Variants in GRM7 observed in about 807,000 individuals in gnomAD.
GRM7 encodes glutamate metabotropic receptor 7, also known as metabotropic glutamate receptor 7.
In GRM7, 35 loss-of-function variants were observed where a neutral mutation model predicts 84.5. The observed-to-expected ratio is 0.41, with a 90% CI of 0.32 to 0.55. The LOEUF (loss-of-function observed/expected upper bound fraction) is 0.55. Ranked by LOEUF, GRM7 falls within the 20% of genes least tolerant of loss-of-function variation. GRM7 has a pLI of 0.19. For missense variants in GRM7, 1,003 were observed against 1,194.6 expected, an observed-to-expected ratio of 0.84 and a Z score of 2.36; for synonymous variants, 487 against 455.1, an observed-to-expected ratio of 1.07 and a Z score of -0.89.
intron 8 of GRM7, among the ~76,000 whole-genome samples, chr3:7,611,669 C>T (rs1164689544): frequency 6.6e-6 from 1 of 151,972 alleles, no homozygotes; most frequent in Non-Finnish European, 1.5e-5. Context: ...AAAAGTTGCC[C>T]GATGGATTGA....
intron 2 of GRM7, among the ~76,000 whole-genome samples, chr3:7,295,762 T>C (rs1261557053): frequency 6.6e-6 from 1 of 151,958 alleles, no homozygotes; most frequent in Non-Finnish European, 1.5e-5. Flanking sequence ...TATTGTTTAT[T>C]GAGTTCATAT....
intron 7 of GRM7, among the ~76,000 whole-genome samples, chr3:7,505,038 G>A (rs1039359164): frequency 1.3e-5 from 2 of 152,094 alleles, no homozygotes; most frequent in Admixed American, 1.3e-4. Context: ...ATACAATGGT[G>A]GGACAGACAC....
intron 8 of GRM7, among the ~76,000 whole-genome samples, chr3:7,582,655 A>T (rs897456465): frequency 9.4e-5 from 11 of 117,386 alleles, no homozygotes; most frequent in Non-Finnish European, 2.2e-4. Context: ...ATATTATAAC[A>T]GAACAAGGTT....
chr3:7,279,792 T>A (rs1181906008), intron 2 of GRM7, among the ~76,000 whole-genome samples: 1 of 152,190 alleles, frequency 6.6e-6, no homozygotes, highest in Non-Finnish European at 1.5e-5. Context: ...GCATGGTCTG[T>A]GTTTATGTCT....
At chr3:7,092,463 A>G (rs1243948639) in intron 1 of GRM7, among the ~76,000 whole-genome samples, 1 of 152,180 alleles carries the variant, frequency 6.6e-6, no homozygotes, top group Non-Finnish European at 1.5e-5. Context: ...CTTTTCTACA[A>G]AATGGTTTAT....
chr3:7,070,661 C>G (rs1454787170), intron 1 of GRM7, among the ~76,000 whole-genome samples: 1 of 151,998 alleles, frequency 6.6e-6, no homozygotes, highest in Non-Finnish European at 1.5e-5. Context: ...TGTCCCTTCC[C>G]TTTTCCCACA....
intron 2 of GRM7, among the ~76,000 whole-genome samples, chr3:7,148,450 C>G (rs1191333690): frequency 1.3e-5 from 2 of 152,178 alleles, no homozygotes; most frequent in African/African-American, 4.8e-5. Context: ...AAAGGAAGAA[C>G]ACTGCCCATT....
intron 1 of GRM7, among the ~76,000 whole-genome samples, chr3:7,064,467 T>TAC (rs1553612635): frequency 9.5e-6 from 1 of 105,400 alleles, no homozygotes; most frequent in Non-Finnish European, 1.8e-5. Context: ...TATATACATA[T>TAC]ATATATATAT....
chr3:7,632,283 T>C (rs1302187111), intron 8 of GRM7, among the ~76,000 whole-genome samples: 3 of 152,178 alleles, frequency 2.0e-5, no homozygotes, highest in South Asian at 2.1e-4. Flanking sequence ...AGAGACTATA[T>C]TGGCGAGAAT....
At chr3:7,682,548 A>G (rs1265356466) in intron 9 of GRM7, among the ~76,000 whole-genome samples, 2 of 97,652 alleles carry the variant, frequency 2.0e-5, no homozygotes, top group Non-Finnish European at 4.1e-5. Flanking sequence ...GTACACACAC[A>G]CACACACACA....
chr3:7,382,270 A>T (rs772070741), intron 4 of GRM7, among the ~76,000 whole-genome samples: 1 of 152,140 alleles, frequency 6.6e-6, no homozygotes, highest in Non-Finnish European at 1.5e-5. Context: ...TTGCCTTTAG[A>T]TTATCAGAGA....
chr3:7,051,040 T>G (rs1428210681), intron 1 of GRM7, among the ~76,000 whole-genome samples: 1 of 151,848 alleles, frequency 6.6e-6, no homozygotes, highest in Admixed American at 6.6e-5. Flanking sequence ...AAATATGTAT[T>G]ATACTATATT....
At chr3:7,239,111 C>T (rs567865212) in intron 2 of GRM7, among the ~76,000 whole-genome samples, 6 of 151,314 alleles carry the variant, frequency 4.0e-5, no homozygotes, top group South Asian at 2.1e-4. Flanking sequence ...GTGATCTTCC[C>T]ACCTCAGCCT....
chr3:7,038,265 T>C (rs550103595), intron 1 of GRM7, among the ~76,000 whole-genome samples: 14 of 152,202 alleles, frequency 9.2e-5, no homozygotes, highest in Non-Finnish European at 2.1e-4. Context: ...CTTCTACAGC[T>C]AACCAAGAAG....
At chr3:7,275,678 T>G (rs1289491722) in intron 2 of GRM7, among the ~76,000 whole-genome samples, 2 of 152,138 alleles carry the variant, frequency 1.3e-5, no homozygotes, top group African/African-American at 4.8e-5. Context: ...TCTGTTTAGC[T>G]AGTTTCTTCT....
chr3:7,631,125 G>A (rs1178090652), intron 8 of GRM7, among the ~76,000 whole-genome samples: 4 of 152,194 alleles, frequency 2.6e-5, no homozygotes, highest in African/African-American at 9.7e-5. Context: ...GTGGGGACCA[G>A]ACAGCAGGAG....
At chr3:7,499,058 G>A (rs1359216379) in intron 7 of GRM7, among the ~76,000 whole-genome samples, 1 of 152,178 alleles carries the variant, frequency 6.6e-6, no homozygotes, top group East Asian at 1.9e-4. Context: ...ATTTTGCCAC[G>A]TAGTTGCAAT....
At chr3:7,325,080 C>A (rs972651609) in intron 4 of GRM7, among the ~76,000 whole-genome samples, 3 of 152,270 alleles carry the variant, frequency 2.0e-5, no homozygotes, top group Non-Finnish European at 2.9e-5. Flanking sequence ...CATTGCCTTG[C>A]AGACCACCTG....
chr3:6,895,453 A>G (rs187479447), intron 1 of GRM7, among the ~76,000 whole-genome samples: 1 of 152,314 alleles, frequency 6.6e-6, no homozygotes, highest in East Asian at 1.9e-4. Flanking sequence ...TATGGTAAGA[A>G]CACTACCAAA....
Sources: allele counts gnomAD v4.1 joint callset (sites outside exome capture counted in the v4.1 genomes callset), GRCh38; gene constraint gnomAD v4.1.1; transcripts MANE v1.5; gene names NCBI Gene and HGNC (gene_info 2026-07-23, HGNC 2026-07-21).